Variants in FAM83B observed in about 807,000 individuals in gnomAD.
The protein encoded by FAM83B is scaffolding CK1 anchoring protein B.
In FAM83B, 26 loss-of-function variants were observed where a neutral mutation model predicts 38.8. The observed-to-expected ratio is 0.67, with a 90% CI of 0.49 to 0.93. FAM83B has a LOEUF of 0.93. Ranked by LOEUF, FAM83B falls within the 40% of genes least tolerant of loss-of-function variation. The pLI, the probability that FAM83B is intolerant of heterozygous loss-of-function variation, is 0.00. For synonymous variants in FAM83B, 419 were observed against 423.1 expected, an observed-to-expected ratio of 0.99 and a Z score of 0.12; for missense variants, 1,237 against 1,197.3, an observed-to-expected ratio of 1.03 and a Z score of -0.49.
At chr6:54,892,607 A>C (rs1235292459) in intron 2 of FAM83B, among the ~76,000 whole-genome samples, 3 of 151,556 alleles carry the variant, frequency 2.0e-5, no homozygotes, top group Non-Finnish European at 4.4e-5. Context: ...TCTTATTCTT[A>C]TTATGGCTGC....
chr6:54,874,563 C>G (rs956741037), intron 2 of FAM83B, among the ~76,000 whole-genome samples: 1 of 152,088 alleles, frequency 6.6e-6, no homozygotes, highest in South Asian at 2.1e-4. Flanking sequence ...ACTGTGAACT[C>G]CTCTTATGAA....
At chr6:54,883,225 G>C (rs569798657) in intron 2 of FAM83B, among the ~76,000 whole-genome samples, 6 of 152,012 alleles carry the variant, frequency 3.9e-5, no homozygotes, top group Admixed American at 2.0e-4. Flanking sequence ...TTACAGGCGT[G>C]AGCCACCATG....
At chr6:54,881,216 A>G (rs776812359) in intron 2 of FAM83B, among the ~76,000 whole-genome samples, 1 of 151,890 alleles carries the variant, frequency 6.6e-6, no homozygotes, top group Non-Finnish European at 1.5e-5. Flanking sequence ...GTGATAATAT[A>G]CTCCTTCATT....
At chr6:54,893,830 G>A (rs239854) in intron 2 of FAM83B, among the ~76,000 whole-genome samples, 94,911 of 151,954 alleles carry the variant, frequency 0.62, 31,671 homozygotes, top group East Asian at 0.86. Context: ...ATATAAAAGG[G>A]GCCTCCAATG....
At chr6:54,902,991 C>A (rs1345121479) in intron 2 of FAM83B, among the ~76,000 whole-genome samples, 2 of 152,010 alleles carry the variant, frequency 1.3e-5, no homozygotes, top group Non-Finnish European at 2.9e-5. Context: ...TAGAACAAGT[C>A]ATCTTTAAGG....
At chr6:54,905,230 A>G (rs1772752465) in intron 2 of FAM83B, among the ~76,000 whole-genome samples, 1 of 152,178 alleles carries the variant, frequency 6.6e-6, no homozygotes, top group East Asian at 1.9e-4. Flanking sequence ...TGGGAATAGC[A>G]TAGCATAGTG....
At chr6:54,873,017 TTA>T (rs1771896699) in intron 2 of FAM83B, among the ~76,000 whole-genome samples, 3 of 150,958 alleles carry the variant, frequency 2.0e-5, no homozygotes, top group Non-Finnish European at 1.5e-5. Flanking sequence ...TTTATTTATT[TTA>T]TTTTTTTTAT....
At chr6:54,868,164 T>C (rs1238246359) in intron 1 of FAM83B, among the ~76,000 whole-genome samples, 1 of 152,194 alleles carries the variant, frequency 6.6e-6, no homozygotes, top group East Asian at 1.9e-4. Context: ...AGTGGCATGA[T>C]ATCATGAATA....
At chr6:54,898,825 C>T (rs948712612) in intron 2 of FAM83B, among the ~76,000 whole-genome samples, 1 of 152,134 alleles carries the variant, frequency 6.6e-6, no homozygotes, top group African/African-American at 2.4e-5. Flanking sequence ...TTTAGGCATG[C>T]ATGATCTTTT....
intron 4 of FAM83B, among the ~76,000 whole-genome samples, chr6:54,933,426 T>C (rs1464888169): frequency 1.3e-5 from 2 of 152,088 alleles, no homozygotes; most frequent in African/African-American, 2.4e-5. Flanking sequence ...TTTTAGCTCA[T>C]TGAGCATTTT....
At chr6:54,866,206 T>C (rs1190935412) in intron 1 of FAM83B, among the ~76,000 whole-genome samples, 1 of 151,520 alleles carries the variant, frequency 6.6e-6, no homozygotes, top group Non-Finnish European at 1.5e-5. Context: ...TATAGGTTTT[T>C]TTTTTTTCTA....
intron 2 of FAM83B, among the ~76,000 whole-genome samples, chr6:54,902,347 C>T (rs982242282): frequency 1.3e-5 from 2 of 152,144 alleles, no homozygotes; most frequent in Non-Finnish European, 2.9e-5. Context: ...GGCTACAGTG[C>T]CCAGCTCTCA....
intron 2 of FAM83B, among the ~76,000 whole-genome samples, chr6:54,921,395 A>G (rs1384653294): frequency 6.6e-6 from 1 of 151,670 alleles, no homozygotes; most frequent in Non-Finnish European, 1.5e-5. Context: ...AAAATTTAGT[A>G]CTGTAAGAAA....
intron 1 of FAM83B, among the ~76,000 whole-genome samples, chr6:54,860,821 T>G (rs1338491068): frequency 6.6e-6 from 1 of 152,216 alleles, no homozygotes; most frequent in Non-Finnish European, 1.5e-5. Context: ...ACTTAAAATC[T>G]AAAACTATAA....
At chr6:54,847,429 CTG>C (rs10532604) in intron 1 of FAM83B, among the ~76,000 whole-genome samples, 65,671 of 151,706 alleles carry the variant, frequency 0.43, 14,742 homozygotes, top group African/African-American at 0.5. Flanking sequence ...TGGTAGCGAC[CTG>C]TGTTTTTCAT....
intron 2 of FAM83B, among the ~76,000 whole-genome samples, chr6:54,877,322 A>T (rs1318136576): frequency 2.0e-5 from 3 of 151,944 alleles, no homozygotes; most frequent in Admixed American, 2.0e-4. Context: ...ATAAGGGGAT[A>T]TTACTTTACT....
At chr6:54,854,606 ATAATGCTATTGCACACT>A (rs1771397183) in intron 1 of FAM83B, among the ~76,000 whole-genome samples, 2 of 152,216 alleles carry the variant, frequency 1.3e-5, no homozygotes, top group African/African-American at 4.8e-5. Flanking sequence ...TGTTTCAGAC[ATAATGCTATTGCACACT>A]TAATAAGCCA....
chr6:54,849,271 C>T (rs907606720), intron 1 of FAM83B, among the ~76,000 whole-genome samples: 9 of 152,178 alleles, frequency 5.9e-5, no homozygotes, highest in African/African-American at 2.2e-4. Context: ...GCTTCCTTCC[C>T]ACTGAGGTGT....
chr6:54,941,484 C>A lies in FAM83B; in HGVS notation c.2513C>A (p.Ser838Tyr). The change falls in exon 5 of 5, where the codon TCT becomes TAT. Residue 838 changes from serine to tyrosine, a missense_variant. Ser to Tyr is a moderately radical substitution (Grantham distance 144, BLOSUM62 -2). Transcript: ENST00000306858. ...AGAAAGCATTCTTCCTCATCGAATTCTCAAGGCAGCATCCACAAGAGTAAG... is the reference window on the plus strand; with the variant it reads ...AGAAAGCATTCTTCCTCATCGAATTATCAAGGCAGCATCCACAAGAGTAAG... ...PRRKHSSSSN[S>Y]QGSIHKSKED... is the part of the protein sequence containing the mutation. The A allele has an allele frequency of 6.2e-7, 1 of 1,613,934 alleles. No individual in the cohort carries two copies. Among genetic ancestry groups the A allele is most frequent in the South Asian group, 1.1e-5 (1 of 91,042 alleles).
Sources: gnomAD v4.1 joint callset for allele counts (sites outside exome capture counted in the v4.1 genomes callset) on GRCh38, gnomAD v4.1.1 for gene constraint, MANE v1.5 for transcripts, NCBI Gene and HGNC (gene_info 2026-07-23, HGNC 2026-07-21) for gene names.